Variants in GALNT2 observed in about 807,000 individuals in gnomAD.
GALNT2 encodes UDP-GalNAc:polypeptide N-acetylgalactosaminyltransferase 2.
GALNT2 carries 31 observed loss-of-function variants against 81.4 expected under a neutral mutation model. That is an observed-to-expected ratio of 0.38 (90% CI 0.29 to 0.51). The LOEUF is 0.51. Among genes scored for constraint, GALNT2 ranks in the 20% least tolerant of loss-of-function variants. The pLI, the probability that GALNT2 is intolerant of heterozygous loss-of-function variation, is 0.87. For synonymous variants in GALNT2, 303 were observed against 287.4 expected (o/e 1.05, Z -0.55); for missense variants, 629 against 765.7 (o/e 0.82, Z 2.11).
At position 230,138,684 on chromosome 1, in the gene GALNT2, A is replaced by T. The variant is rs1282700252; in HGVS notation, c.127-39534A>T. Among the ~76,000 whole-genome samples the T allele has an allele frequency of 2.0e-5, 3 of 152,032 alleles. No individual in the cohort carries two copies. In the East Asian group the frequency reaches 5.8e-4, roughly 29 times the overall value. The stretch of plus-strand genomic sequence containing the variant: ...TGAGTTTCGTGGGAAAGGGGCAGGG[A>T]TTTTCCTGGAACTGAAGGTTCCTCC... On this transcript the variant is annotated intron_variant, in intron 1 of 15. Coordinates refer to ENST00000366672, the MANE Select transcript of GALNT2 (RefSeq NM_004481.5).
intron 2 of GALNT2, among the ~76,000 whole-genome samples, chr1:230,192,642 C>T (rs1223351297): frequency 6.6e-6 from 1 of 152,210 alleles, no homozygotes; most frequent in Non-Finnish European, 1.5e-5. Context: ...ATTTATTGCA[C>T]TTTATCAATT....
chr1:230,094,521 C>T (rs1405835643), intron 1 of GALNT2, among the ~76,000 whole-genome samples: 1 of 152,046 alleles, frequency 6.6e-6, no homozygotes, highest in East Asian at 1.9e-4. Flanking sequence ...ACCTGTAATC[C>T]CAGCTACTTG....
At chr1:230,262,701 G>GGT in intron 12 of GALNT2, 36 bp downstream of exon 12, 14 of 855,358 alleles carry the variant, frequency 1.6e-5, no homozygotes, top group Non-Finnish European at 2.3e-5. Context: ...AATTACTGGG[G>GGT]ATTCTTGGGG....
intron 1 of GALNT2, among the ~76,000 whole-genome samples, chr1:230,073,642 A>G (rs1659441863): frequency 6.6e-6 from 1 of 152,242 alleles, no homozygotes; most frequent in Admixed American, 6.5e-5. Context: ...ACTGTCACAT[A>G]GAGTCTCACT....
chr1:230,100,297 T>C (rs1442400294), intron 1 of GALNT2, among the ~76,000 whole-genome samples: 1 of 147,246 alleles, frequency 6.8e-6, no homozygotes, highest in African/African-American at 2.5e-5. Context: ...ATGCCCAGGG[T>C]ATCTTTTTAT....
intron 13 of GALNT2, 151 bp downstream of exon 13, chr1:230,263,156 T>G: frequency 1.6e-6 from 1 of 644,746 alleles, no homozygotes; most frequent in Non-Finnish European, 2.7e-6. Context: ...CTCCATGGTG[T>G]GGAGCTGAGA....
At position 230,125,642 on chromosome 1, in the gene GALNT2, G is replaced by A. The variant is rs113209251; in HGVS notation, c.127-52576G>A. 1.9e-3 allele frequency among the ~76,000 whole-genome samples: 295 copies of A among 152,330 alleles called. 1 individual carries two copies. In the Middle Eastern group the frequency reaches 0.024, roughly 12 times the overall value. On this transcript the variant is annotated intron_variant, in intron 1 of 15. Transcript: ENST00000366672. ...AGAGGTCATAGATTTTGGTGGGTAA[G>A]AGTGCTGCTTGCTTAGAGGGGTTTT...
At chr1:230,215,598 T>C (rs909873507) in intron 3 of GALNT2, among the ~76,000 whole-genome samples, 3 of 152,178 alleles carry the variant, frequency 2.0e-5, no homozygotes, top group African/African-American at 7.2e-5. Flanking sequence ...GTTTATAAAT[T>C]TTGCCCTGAG....
At chr1:230,073,703 C>T (rs1294671715) in intron 1 of GALNT2, among the ~76,000 whole-genome samples, 1 of 152,202 alleles carries the variant, frequency 6.6e-6, no homozygotes, top group African/African-American at 2.4e-5. Context: ...TTATATGAGC[C>T]CCTTGTCTCA....
chr1:230,111,542 C>T (rs1361611051), intron 1 of GALNT2, among the ~76,000 whole-genome samples: 5 of 152,236 alleles, frequency 3.3e-5, no homozygotes, highest in Non-Finnish European at 7.3e-5. Context: ...CCCAAGTAGT[C>T]TTTCTCTTGC....
intron 1 of GALNT2, among the ~76,000 whole-genome samples, chr1:230,101,222 T>C (rs1660393534): frequency 6.6e-6 from 1 of 152,244 alleles, no homozygotes; most frequent in African/African-American, 2.4e-5. Context: ...CACATATGTG[T>C]ATGCCTGTAT....
chr1:230,242,670 A>G (rs1665236186), intron 6 of GALNT2, among the ~76,000 whole-genome samples: 1 of 152,136 alleles, frequency 6.6e-6, no homozygotes, highest in Non-Finnish European at 1.5e-5. Context: ...CCACAGGCGC[A>G]CGCACAGGCC....
chr1:230,093,665 C>T (rs1474454025), intron 1 of GALNT2, among the ~76,000 whole-genome samples: 1 of 152,196 alleles, frequency 6.6e-6, no homozygotes, highest in East Asian at 1.9e-4. Flanking sequence ...ACATTTTAGC[C>T]AATGACAGAT....
At chr1:230,236,786 TA>T in intron 6 of GALNT2, 61 bp downstream of exon 6, 1 of 1,509,192 alleles carries the variant, frequency 6.6e-7, no homozygotes, top group Non-Finnish European at 9.1e-7. Context: ...TGTAATAACA[TA>T]AAGAAGTGCT....
chr1:230,146,983 CAGG>C (rs1174026309), intron 1 of GALNT2, among the ~76,000 whole-genome samples: 2 of 152,154 alleles, frequency 1.3e-5, no homozygotes, highest in Non-Finnish European at 2.9e-5. Context: ...AGGGGACAGA[CAGG>C]AGGCAGGTGG....
At chr1:230,157,821 G>A (rs1662307754) in intron 1 of GALNT2, among the ~76,000 whole-genome samples, 2 of 152,348 alleles carry the variant, frequency 1.3e-5, no homozygotes, top group South Asian at 2.1e-4. Context: ...AGGGGCTGGA[G>A]AAGAGAGTTA....
In GALNT2 at chr1:230,067,419, C is replaced by G. The variant is rs1349061964; in HGVS notation, c.126+13C>G. ...CGCCGGCAGGAAGGTGAGTGGAGCG[C>G]CCTGCCGCGGCCGGGCCCCTGCGCC... On this transcript the variant is annotated intron_variant, in intron 1 of 15. Transcript: ENST00000366672. The G allele has an allele frequency of 1.3e-5, 15 of 1,139,092 alleles. No individual in the cohort carries two copies. The highest frequency in any genetic ancestry group is 1.7e-5 in the Non-Finnish European group (15 of 905,094). The allele number at this position is 1,139,092 out of a possible 1,614,324, so 70.6% of individuals were successfully genotyped here. A position where few individuals can be genotyped will look rare whatever the true frequency, so the allele number is the denominator to read the frequency against.
At chr1:230,080,486 T>A (rs1659694232) in intron 1 of GALNT2, among the ~76,000 whole-genome samples, 1 of 152,172 alleles carries the variant, frequency 6.6e-6, no homozygotes, top group Non-Finnish European at 1.5e-5. Context: ...AGGTCTAGCA[T>A]CAGCAGGTTG....
intron 3 of GALNT2, among the ~76,000 whole-genome samples, chr1:230,220,450 G>A (rs556871837): frequency 3.9e-5 from 6 of 152,076 alleles, no homozygotes; most frequent in African/African-American, 1.2e-4. Context: ...GGGCATAAAG[G>A]GAGTTGAAAC....
Sources: allele counts gnomAD v4.1 joint callset (sites outside exome capture counted in the v4.1 genomes callset), GRCh38; gene constraint gnomAD v4.1.1; transcripts MANE v1.5; gene names NCBI Gene and HGNC (gene_info 2026-07-23, HGNC 2026-07-21).